GIP: variants seen among roughly 807,000 people sequenced by gnomAD.
The protein encoded by GIP is gastric inhibitory polypeptide, also known as glucose-dependent insulinotropic polypeptide.
A neutral mutation model predicts 18.1 loss-of-function variants in GIP; 16 were observed. The ratio of observed to expected loss-of-function variants is 0.88; its 90% confidence interval spans 0.60 to 1.34. The LOEUF (loss-of-function observed/expected upper bound fraction) is 1.34, where lower values mean the gene tolerates loss of function less well. Among genes scored for constraint, GIP ranks in the 40% most tolerant of loss-of-function variants. The probability of loss-of-function intolerance (pLI) is 0.00; values close to 1 mark genes in which losing one functional copy is unlikely to be tolerated. For missense variants in GIP, 192 were observed against 183.4 expected, an observed-to-expected ratio of 1.05 and a Z score of -0.27; for synonymous variants, 76 against 74.0, an observed-to-expected ratio of 1.03 and a Z score of -0.14.
chr17:48,966,011 G>A (rs1378966890), intron 2 of GIP, among the ~76,000 whole-genome samples: 2 of 152,028 alleles, frequency 1.3e-5, no homozygotes, highest in African/African-American at 2.4e-5. Flanking sequence ...TGTAATCCTA[G>A]CACTTTGGGA....
chr17:48,960,832 T>A lies in GIP; in HGVS notation c.452+54A>T, dbSNP rs1366426549. ...GTGGAGGGGCAAAGATCTGAATCCA[T>A]GTCTGATGCCCAAGCTCAAGTTAGA... On this transcript the variant is annotated intron_variant, in intron 5 of 5. Coordinates refer to ENST00000357424, the MANE Select transcript of GIP (RefSeq NM_004123.3). The A allele has an allele frequency of 4.7e-6, 5 of 1,056,920 alleles. No individual in the cohort carries two copies. The South Asian group carries it at 5.4e-5, about 11-fold the overall frequency. The allele number at this position is 1,056,920 out of a possible 1,614,324, so 65.5% of individuals were successfully genotyped here. A position where few individuals can be genotyped will look rare whatever the true frequency, so the allele number is the denominator to read the frequency against.
intron 2 of GIP, 63 bp from the exon 3 acceptor site, chr17:48,964,543 G>A (rs2041223641): frequency 3.6e-6 from 5 of 1,406,416 alleles, no homozygotes; most frequent in Non-Finnish European, 5.0e-6. Context: ...TAGGGTAAAT[G>A]ACTGTCACTA....
intron 2 of GIP, among the ~76,000 whole-genome samples, chr17:48,965,169 C>T (rs546612989): frequency 7.1e-4 from 93 of 131,606 alleles, no homozygotes; most frequent in Middle Eastern, 7.8e-3. Context: ...GGCGTGGTGG[C>T]ACATGCCTGT....
At chr17:48,965,630 G>A (rs1019491480) in intron 2 of GIP, among the ~76,000 whole-genome samples, 1 of 137,098 alleles carries the variant, frequency 7.3e-6, no homozygotes, top group Non-Finnish European at 1.6e-5. Flanking sequence ...AAAAGGGATC[G>A]GGGTCCCCTC....
chr17:48,959,490 G>A (rs1262916429), intron 5 of GIP, among the ~76,000 whole-genome samples: 1 of 152,084 alleles, frequency 6.6e-6, no homozygotes, highest in Non-Finnish European at 1.5e-5. Context: ...TGGTTTCCGT[G>A]CCTCTGTGTC....
chr17:48,961,129 C>T, intron 4 of GIP, 142 bp from the exon 5 acceptor site: 1 of 604,158 alleles, frequency 1.7e-6, no homozygotes, highest in South Asian at 2.0e-5. Flanking sequence ...TGGCTCAGCT[C>T]TGAGATCTGG....
intron 2 of GIP, among the ~76,000 whole-genome samples, chr17:48,965,087 T>C (rs1233308737): frequency 8.4e-5 from 12 of 143,148 alleles, no homozygotes; most frequent in Middle Eastern, 3.8e-3. Context: ...TGCAGTGAGC[T>C]GAGATTGCGC....
rs143535602 is a variant in GIP, at chr17:48,964,210, T to C, written c.257+100A>G. Reference sequence around the variant, plus strand: ...AAAAGAAAGGTGCCACCTGGGGTTGTGCATCATGTGGCCTGTGTGGCCACA... The same window carrying C: ...AAAAGAAAGGTGCCACCTGGGGTTGCGCATCATGTGGCCTGTGTGGCCACA... On this transcript the variant is annotated intron_variant, in intron 3 of 5. Transcript: ENST00000357424. 1,754 of 753,444 alleles carry C rather than the reference T, an allele frequency of 2.3e-3. 16 individuals are homozygous for C. In the Middle Eastern group the frequency reaches 0.033, roughly 14 times the overall value. 46.7% of individuals were successfully genotyped at this position (753,444 alleles called of 1,614,324 possible).
At chr17:48,964,138 C>T (rs1479706950) in intron 3 of GIP, among the ~76,000 whole-genome samples, 172 bp downstream of exon 3, 7 of 128,408 alleles carry the variant, frequency 5.5e-5, no homozygotes, top group Non-Finnish European at 9.4e-5. Context: ...CCAGCCTGGG[C>T]GAAAGAGTGA....
rs1226907169 is a variant in GIP at position 48,967,133 on chromosome 17, C to T, written c.86+14G>A. ...CCCTCCTCTGCCCCATCCCTTTCCT[C>T]TCACCACTCCTACCTGAAGTGACCC... On this transcript the variant is annotated intron_variant, in intron 2 of 5. Transcript: ENST00000357424. 6.3e-7 allele frequency: 1 copy of T among 1,591,816 alleles called. No homozygotes were observed. The highest frequency in any genetic ancestry group is 8.6e-7 in the Non-Finnish European group (1 of 1,159,806).
intron 5 of GIP, among the ~76,000 whole-genome samples, chr17:48,959,828 G>C (rs1440849567): frequency 4.6e-5 from 4 of 87,392 alleles, no homozygotes; most frequent in African/African-American, 1.8e-4. Context: ...GATGGGCTCA[G>C]CTCGGTGGGT....
At chr17:48,960,854 T>C in intron 5 of GIP, 32 bp downstream of exon 5, 1 of 1,343,868 alleles carries the variant, frequency 7.4e-7, no homozygotes, top group Non-Finnish European at 1.0e-6. Flanking sequence ...AAGCTCAAGT[T>C]AGAACCGCTG....
At chr17:48,964,173 A>G (rs1261848565) in intron 3 of GIP, 137 bp downstream of exon 3, 95 of 593,716 alleles carry the variant, frequency 1.6e-4, no homozygotes, top group South Asian at 8.9e-4. Flanking sequence ...AAAAAAAAAA[A>G]AAAAGAAAAG....
rs2041236465 is a variant in GIP, at chr17:48,966,429, AC to A, written c.86+717del. 4.0e-5 allele frequency among the ~76,000 whole-genome samples: 6 copies of A among 150,668 alleles called. No individual in the cohort carries two copies. In the South Asian group the frequency reaches 1.0e-3, roughly 26 times the overall value. On this transcript the variant is annotated intron_variant, in intron 2 of 5. Coordinates refer to ENST00000357424, the MANE Select transcript of GIP (RefSeq NM_004123.3). ...AAATTAGCCGGGTGTGGTGGTGGGC[AC>A]CTGTAATCCCAGCTACTCGGTAAGC...
intron 3 of GIP, among the ~76,000 whole-genome samples, chr17:48,963,558 G>C (rs2041212682): frequency 6.6e-6 from 1 of 151,932 alleles, no homozygotes; most frequent in African/African-American, 2.4e-5. Context: ...TACTCAGGAG[G>C]CTGAGGCAGA....
At position 48,960,957 on chromosome 17, in the gene GIP, A is replaced by C. The variant is rs2041197508; in HGVS notation, c.381T>G (p.Asp127Glu). 1 of 1,609,952 alleles carries C rather than the reference A, an allele frequency of 6.2e-7. No homozygotes were observed. Among genetic ancestry groups the C allele is most frequent in the African/African-American group, 1.3e-5 (1 of 74,888 alleles). ...SSPAKNPSDE[D>E]LLRDLLIQEL... Reference sequence around the variant, plus strand: ...CTTGAATCAGCAAGTCCCGCAGCAAATCTTCATCGCTGGGGTTCTTGGCTG... The same window carrying C: ...CTTGAATCAGCAAGTCCCGCAGCAACTCTTCATCGCTGGGGTTCTTGGCTG... Residue 127 changes from aspartate (D) to glutamate (E), a missense_variant, in exon 5 of 6, where the codon GAT becomes GAG. By Grantham distance (45) the Asp-to-Glu change is conservative (BLOSUM62 2). Coordinates refer to ENST00000357424, the MANE Select transcript of GIP (RefSeq NM_004123.3).
chr17:48,967,359 CTT>C (rs369779985), intron 1 of GIP, 106 bp from the exon 2 acceptor site: 7,122 of 496,276 alleles, frequency 0.014, no homozygotes, highest in East Asian at 0.026. Flanking sequence ...TTTCCTTTTT[CTT>C]TTTTTTTTTT....
At chr17:48,967,362 T>TTC (rs1555588744) in intron 1 of GIP, 109 bp from the exon 2 acceptor site, 35 of 171,246 alleles carry the variant, frequency 2.0e-4, no homozygotes, top group East Asian at 2.0e-3. Context: ...CCTTTTTCTT[T>TTC]TTTTTTTTTT....
intron 5 of GIP, among the ~76,000 whole-genome samples, chr17:48,959,639 C>A (rs1273252818): frequency 6.6e-6 from 1 of 152,206 alleles, no homozygotes; most frequent in Non-Finnish European, 1.5e-5. Context: ...TTGAAGCCAG[C>A]AGTGGCCACA....
Sources: allele counts gnomAD v4.1 joint callset (sites outside exome capture counted in the v4.1 genomes callset), GRCh38; gene constraint gnomAD v4.1.1; transcripts MANE v1.5; gene names NCBI Gene and HGNC (gene_info 2026-07-23, HGNC 2026-07-21).